EVC2: variants seen among roughly 807,000 people sequenced by gnomAD.
EVC2 encodes limbin.
A neutral mutation model predicts 149.3 loss-of-function variants in EVC2; 148 were observed. The observed-to-expected ratio is 0.99, with a 90% CI of 0.87 to 1.14. EVC2 has a LOEUF of 1.14. EVC2 is among the 50% of genes most tolerant of loss of function. The pLI, the probability that EVC2 is intolerant of heterozygous loss-of-function variation, is 0.00. For synonymous variants in EVC2, 776 were observed against 649.9 expected (o/e 1.19, Z -2.95); for missense variants, 1,854 against 1,627.3 (o/e 1.14, Z -2.40).
chr4:5,693,971 A>T (rs1050229244), intron 3 of EVC2, among the ~76,000 whole-genome samples: 6 of 152,218 alleles, frequency 3.9e-5, no homozygotes, highest in Admixed American at 1.3e-4. Flanking sequence ...TGCTAAACCC[A>T]GTGCCCGACC....
In EVC2 at chr4:5,593,027, C is replaced by A. The variant is rs1374741780; in HGVS notation, c.2830-8177G>T. 5.8e-4 allele frequency among the ~76,000 whole-genome samples: 89 copies of A among 152,148 alleles called. 1 individual carries two copies. Among genetic ancestry groups the A allele is most frequent in the Non-Finnish European group, 1.0e-4 (7 of 68,032 alleles). On this transcript the variant is annotated intron_variant, in intron 16 of 21. Coordinates refer to ENST00000344408, the MANE Select transcript of EVC2 (RefSeq NM_147127.5). ...TGATGGTTTTTTAAGGGATTTTTCTCCCTCTTTGCTCTGCAATTCTCCTTG... is the reference window on the plus strand; with the variant it reads ...TGATGGTTTTTTAAGGGATTTTTCTACCTCTTTGCTCTGCAATTCTCCTTG...
At chr4:5,645,731 A>G (rs1717662296) in intron 9 of EVC2, among the ~76,000 whole-genome samples, 1 of 152,208 alleles carries the variant, frequency 6.6e-6, no homozygotes. Context: ...ATACATGTGT[A>G]TGTGTCTTTA....
intron 3 of EVC2, among the ~76,000 whole-genome samples, chr4:5,693,624 T>C (rs1463260237): frequency 6.6e-6 from 1 of 152,232 alleles, no homozygotes; most frequent in Non-Finnish European, 1.5e-5. Context: ...ACATTCCTGT[T>C]GTTTTCAGCC....
chr4:5,651,494 A>AGATG (rs979931701), intron 9 of EVC2, among the ~76,000 whole-genome samples: 15 of 152,216 alleles, frequency 9.9e-5, no homozygotes, highest in African/African-American at 2.9e-4. Flanking sequence ...GTGGGTGGGT[A>AGATG]GATGGATGGA....
chr4:5,595,615 A>C (rs9687778), intron 16 of EVC2, among the ~76,000 whole-genome samples: 1 of 151,964 alleles, frequency 6.6e-6, no homozygotes, highest in East Asian at 1.9e-4. Context: ...TGCAAAATCA[A>C]GCCAAATTGT....
chr4:5,644,168 C>T lies in EVC2; in HGVS notation c.1146-3330G>A, dbSNP rs1455438674. Among the ~76,000 whole-genome samples, 8 of 152,274 alleles carry T rather than the reference C, an allele frequency of 5.3e-5. No homozygotes were observed. The South Asian group carries it at 8.3e-4, about 16-fold the overall frequency. ...TTTGGCCAGTGGCTTCCATGGGTGTCACCGTACCTCTCTCTATCCTCTGTA... is the reference window on the plus strand; with the variant it reads ...TTTGGCCAGTGGCTTCCATGGGTGTTACCGTACCTCTCTCTATCCTCTGTA... On this transcript the variant is annotated intron_variant, in intron 9 of 21. Transcript: ENST00000344408.
rs1380334833 is a variant in EVC2, at chr4:5,584,848, A to G, written c.2832T>C (p.Val944=). Residue 944 remains valine (V), a splice_region_variant and synonymous_variant, in exon 17 of 22, where the codon GTT becomes GTC. Coordinates refer to ENST00000344408, the MANE Select transcript of EVC2 (RefSeq NM_147127.5). ...EQASEDLVEK[V]RGELLRERVQ... ...CTCTCTCCCGCAGCAATTCACCTCG[A>G]ACCTGGGAGGGGACAGGGATGGACC... 35 of 1,614,122 alleles carry G rather than the reference A, an allele frequency of 2.2e-5. No individual in the cohort carries two copies. Among genetic ancestry groups the G allele is most frequent in the Non-Finnish European group, 2.7e-5 (32 of 1,180,020 alleles).
intron 16 of EVC2, among the ~76,000 whole-genome samples, chr4:5,589,985 G>C (rs1032228781): frequency 6.6e-6 from 1 of 152,160 alleles, no homozygotes; most frequent in Non-Finnish European, 1.5e-5. Context: ...GAAAAGAGAA[G>C]GTGGAGGGGT....
upstream of EVC2, chr4:5,709,379 C>G (rs1460562825): frequency 6.6e-6 from 1 of 152,286 alleles, no homozygotes; most frequent in Non-Finnish European, 1.5e-5. Context: ...GAGGGCTCCA[C>G]TCCCGCCAGC....
the EVC2 span, among the ~76,000 whole-genome samples, chr4:5,532,146 A>G: frequency 1.3e-5 from 2 of 152,008 alleles, no homozygotes; most frequent in Non-Finnish European, 2.9e-5. Context: ...TACTTTAAGG[A>G]GGCTAAGAAG....
intron 9 of EVC2, among the ~76,000 whole-genome samples, chr4:5,643,067 G>A (rs1402098250): frequency 2.0e-5 from 3 of 152,288 alleles, no homozygotes; most frequent in Middle Eastern, 6.8e-3. Context: ...ACATGAATAT[G>A]TACATGCATA....
chr4:5,699,652 AAAAAAAG>A (rs1560237684), intron 1 of EVC2, among the ~76,000 whole-genome samples: 1 of 150,802 alleles, frequency 6.6e-6, no homozygotes, highest in Non-Finnish European at 1.5e-5. Flanking sequence ...CAAAAAAAAA[AAAAAAAG>A]AAAAAAAGAA....
At chr4:5,551,680 G>C (rs995714025) in intron 21 of EVC2, among the ~76,000 whole-genome samples, 1 of 152,156 alleles carries the variant, frequency 6.6e-6, no homozygotes, top group African/African-American at 2.4e-5. Context: ...CATGAGATTA[G>C]GGAGGGGCCA....
At chr4:5,669,598 C>T (rs781350002) in intron 7 of EVC2, among the ~76,000 whole-genome samples, 27 of 152,200 alleles carry the variant, frequency 1.8e-4, no homozygotes, top group Non-Finnish European at 2.9e-4. Flanking sequence ...GAAAAGAACT[C>T]TCTCGTATGT....
intron 9 of EVC2, among the ~76,000 whole-genome samples, chr4:5,652,707 C>A (rs1718232574): frequency 6.6e-6 from 1 of 152,108 alleles, no homozygotes; most frequent in African/African-American, 2.4e-5. Context: ...ACCTCAGAAC[C>A]AACTAGAGGA....
chr4:5,633,604 G>A lies in EVC2; in HGVS notation c.1471-1572C>T, dbSNP rs114411220. Among the ~76,000 whole-genome samples the A allele has an allele frequency of 3.3e-4, 51 of 152,340 alleles. No homozygotes were observed. The highest frequency in any genetic ancestry group is 1.2e-3 in the African/African-American group (48 of 41,584). On this transcript the variant is annotated intron_variant, in intron 10 of 21. Transcript: ENST00000344408. This position sits in a 1 kb window ranked among gnomAD's most constrained non-coding sequence, Gnocchi z 4.4. ...AGCGAAGGCAGGGAAAGGCTTACGC[G>A]TGCAGGATGCGTGGGTACAGCCATC...
At chr4:5,651,022 A>G (rs565788372) in intron 9 of EVC2, among the ~76,000 whole-genome samples, 4 of 152,262 alleles carry the variant, frequency 2.6e-5, no homozygotes, top group African/African-American at 9.6e-5. Flanking sequence ...CATGATAAAC[A>G]CGTGGATGGA....
rs754239192 is a variant in EVC2, at chr4:5,576,267, T to C, written c.3245A>G (p.Gln1082Arg). The C allele has an allele frequency of 4.3e-6, 7 of 1,614,182 alleles. No individual in the cohort carries two copies. The highest frequency in any genetic ancestry group is 5.9e-6 in the Non-Finnish European group (7 of 1,180,030). The stretch of plus-strand genomic sequence containing the variant: ...CTGCTGATGTTGCTCCAGTAATGTC[T>C]GGCTCTTGCTCAGGGCTTGGTGCAG... Reference protein sequence around the residue: ...TVLHQALSKSQTLLEQHQQCL... With the variant: ...TVLHQALSKSRTLLEQHQQCL... The change falls in exon 18 of 22, where the codon CAG (glutamine) becomes CGG (arginine). Residue 1082 changes from glutamine (Q) to arginine (R), a missense_variant. Transcript: ENST00000344408. This position sits in a 1 kb window ranked among gnomAD's most constrained non-coding sequence, Gnocchi z 4.5.
intron 9 of EVC2, among the ~76,000 whole-genome samples, chr4:5,653,053 G>A (rs78057256): frequency 0.065 from 9,883 of 152,198 alleles, 1,060 homozygotes; most frequent in African/African-American, 0.22. Context: ...GCAACCCTTG[G>A]TGTTCCTTAG....
Sources: gnomAD v4.1 joint callset for allele counts (sites outside exome capture counted in the v4.1 genomes callset) on GRCh38, gnomAD v4.1.1 for gene constraint, Gnocchi (gnomAD v3.1) non-coding constraint, MANE v1.5 for transcripts, NCBI Gene and HGNC (gene_info 2026-07-23, HGNC 2026-07-21) for gene names.